The following NLGN1 variants were observed in gnomAD, a reference collection of about 807,000 sequenced individuals.
The protein encoded by NLGN1 is neuroligin-1.
Under a neutral mutation model 65.5 loss-of-function variants are expected in NLGN1, and 12 were observed. The ratio of observed to expected loss-of-function variants is 0.18; its 90% CI spans 0.12 to 0.30. The LOEUF is 0.30. Ranked by LOEUF, NLGN1 falls within the 10% of genes least tolerant of loss-of-function variation. The probability of loss-of-function intolerance (pLI) is 1.00; values close to 1 mark genes in which losing one functional copy is unlikely to be tolerated. For synonymous variants in NLGN1, 350 were observed against 359.5 expected (o/e 0.97, Z 0.30); for missense variants, 750 against 1,007.1 (o/e 0.74, Z 3.46).
intron 3 of NLGN1, among the ~76,000 whole-genome samples, chr3:173,705,793 G>A (rs2149909001): frequency 6.6e-6 from 1 of 150,850 alleles, no homozygotes; most frequent in African/African-American, 2.4e-5. Flanking sequence ...CTTTACATTT[G>A]CTTATGCTGC....
chr3:173,456,595 T>C (rs1443332323), intron 2 of NLGN1, among the ~76,000 whole-genome samples: 1 of 152,130 alleles, frequency 6.6e-6, no homozygotes, highest in Non-Finnish European at 1.5e-5. Context: ...AATTAGCACA[T>C]TCAGGAGTTC....
chr3:173,630,648 A>C (rs1051803632), intron 3 of NLGN1, among the ~76,000 whole-genome samples: 1 of 152,094 alleles, frequency 6.6e-6, no homozygotes, highest in African/African-American at 2.4e-5. Flanking sequence ...TCTTCCACAG[A>C]GAGAAACTCA....
intron 3 of NLGN1, among the ~76,000 whole-genome samples, chr3:173,689,499 G>T (rs1765148714): frequency 6.6e-6 from 1 of 152,004 alleles, no homozygotes; most frequent in African/African-American, 2.4e-5. Flanking sequence ...AATTCTCTGA[G>T]ATCAGAAAGA....
chr3:174,273,566 CA>C (rs1239884396), intron 4 of NLGN1, among the ~76,000 whole-genome samples: 2 of 146,060 alleles, frequency 1.4e-5, no homozygotes, highest in East Asian at 5.7e-4. Flanking sequence ...TGAGTATTTG[CA>C]AATACTTCTA....
intron 4 of NLGN1, among the ~76,000 whole-genome samples, chr3:173,971,611 G>A (rs1251360882): frequency 6.6e-6 from 1 of 152,020 alleles, no homozygotes; most frequent in Non-Finnish European, 1.5e-5. Context: ...CTGAGAAACA[G>A]TATATATGAA....
intron 3 of NLGN1, among the ~76,000 whole-genome samples, chr3:173,770,338 C>G: frequency 6.6e-6 from 1 of 152,058 alleles, no homozygotes; most frequent in East Asian, 1.9e-4. Flanking sequence ...TTGATTTTCC[C>G]AAGGTTACCT....
At chr3:173,915,530 C>T (rs1004413465) in intron 4 of NLGN1, among the ~76,000 whole-genome samples, 40 of 152,090 alleles carry the variant, frequency 2.6e-4, no homozygotes, top group African/African-American at 9.2e-4. Flanking sequence ...AAAACATATC[C>T]CTTATCAAGG....
intron 3 of NLGN1, among the ~76,000 whole-genome samples, chr3:173,752,181 C>T (rs1280498158): frequency 6.6e-6 from 1 of 152,064 alleles, no homozygotes; most frequent in East Asian, 1.9e-4. Context: ...ACCTCTTCTG[C>T]CAGACTTCTG....
intron 3 of NLGN1, among the ~76,000 whole-genome samples, chr3:173,678,720 A>G (rs1327225145): frequency 1.3e-5 from 2 of 152,104 alleles, no homozygotes; most frequent in Non-Finnish European, 2.9e-5. Context: ...ATGTGGTCAG[A>G]TATGAATTTC....
intron 4 of NLGN1, among the ~76,000 whole-genome samples, chr3:174,154,974 A>AATT (rs1725098438): frequency 1.5e-5 from 2 of 134,934 alleles, no homozygotes; most frequent in African/African-American, 5.4e-5. Context: ...AATTATATAT[A>AATT]ATATATTATA....
chr3:173,415,943 A>AGCGCGCGC (rs1553844364), intron 1 of NLGN1, among the ~76,000 whole-genome samples: 271 of 142,850 alleles, frequency 1.9e-3, no homozygotes, highest in Non-Finnish European at 2.9e-3. Flanking sequence ...AGAGAGAGAG[A>AGCGCGCGC]GCTTGGTATA....
intron 3 of NLGN1, among the ~76,000 whole-genome samples, chr3:173,751,163 C>T (rs995500304): frequency 5.3e-5 from 8 of 151,934 alleles, no homozygotes; most frequent in African/African-American, 9.7e-5. Context: ...CCTGAGTAGG[C>T]GCACATCTAT....
intron 2 of NLGN1, among the ~76,000 whole-genome samples, chr3:173,490,158 C>G (rs1215553442): frequency 6.6e-6 from 1 of 152,128 alleles, no homozygotes; most frequent in African/African-American, 2.4e-5. Context: ...GAAGTCCTTG[C>G]CCATGCCTAT....
intron 4 of NLGN1, among the ~76,000 whole-genome samples, chr3:174,001,452 G>C (rs1723271389): frequency 6.6e-6 from 1 of 152,094 alleles, no homozygotes. Flanking sequence ...CTCTGTGTCA[G>C]GAATTGAAGT....
chr3:173,889,440 A>C, intron 4 of NLGN1, among the ~76,000 whole-genome samples: 1 of 152,142 alleles, frequency 6.6e-6, no homozygotes, highest in Admixed American at 6.6e-5. Context: ...AGGTCAGTGT[A>C]GGAATTCCAA....
chr3:173,644,476 C>A, intron 3 of NLGN1: 1 of 160,868 alleles, frequency 6.2e-6, no homozygotes. Flanking sequence ...TGGCTCTGGC[C>A]TACTTGTGAG....
At chr3:174,049,055 T>TA (rs150643807) in intron 4 of NLGN1, among the ~76,000 whole-genome samples, 9,421 of 151,934 alleles carry the variant, frequency 0.062, 585 homozygotes, top group African/African-American at 0.15. Flanking sequence ...TTCAATTAAG[T>TA]AAAAAAATTA....
intron 4 of NLGN1, among the ~76,000 whole-genome samples, chr3:173,999,863 T>C (rs754025113): frequency 5.9e-5 from 9 of 152,064 alleles, no homozygotes; most frequent in Non-Finnish European, 8.8e-5. Context: ...GCAAAACATT[T>C]CAAAGTACAA....
intron 4 of NLGN1, among the ~76,000 whole-genome samples, chr3:174,044,912 C>T (rs1733208903): frequency 6.6e-6 from 1 of 152,096 alleles, no homozygotes; most frequent in Admixed American, 6.5e-5. Flanking sequence ...GGCACTTCTT[C>T]TTCCTGCCAT....
Sources: gnomAD v4.1 joint callset for allele counts (sites outside exome capture counted in the v4.1 genomes callset) on GRCh38, gnomAD v4.1.1 for gene constraint, MANE v1.5 for transcripts, NCBI Gene and HGNC (gene_info 2026-07-23, HGNC 2026-07-21) for gene names.